PHKB: variants seen among roughly 807,000 people sequenced by gnomAD.
PHKB encodes phosphorylase kinase regulatory subunit beta.
Under a neutral mutation model 152.1 loss-of-function variants are expected in PHKB, and 122 were observed. The ratio of observed to expected loss-of-function variants is 0.80; its 90% confidence interval spans 0.69 to 0.93. The LOEUF (loss-of-function observed/expected upper bound fraction) is 0.93. Among genes scored for constraint, PHKB ranks in the 40% least tolerant of loss-of-function variants. PHKB has a pLI of 0.00. For missense variants in PHKB, 1,304 were observed against 1,328.4 expected, an observed-to-expected ratio of 0.98 and a Z score of 0.29; for synonymous variants, 436 against 464.9, an observed-to-expected ratio of 0.94 and a Z score of 0.80.
At chr16:47,611,574 T>C (rs1028203134) in intron 14 of PHKB, among the ~76,000 whole-genome samples, 6 of 152,086 alleles carry the variant, frequency 3.9e-5, no homozygotes, top group African/African-American at 1.4e-4. Flanking sequence ...GCAGTTAACA[T>C]GCATTTAATA....
At chr16:47,488,555 T>G (rs1463849426) in intron 1 of PHKB, among the ~76,000 whole-genome samples, 1 of 152,250 alleles carries the variant, frequency 6.6e-6, no homozygotes, top group Admixed American at 6.5e-5. Flanking sequence ...CTAGCTTTTC[T>G]TCTAGGGTTT....
chr16:47,569,026 T>G (rs1971614402), intron 7 of PHKB, among the ~76,000 whole-genome samples: 1 of 152,218 alleles, frequency 6.6e-6, no homozygotes, highest in Admixed American at 6.5e-5. Context: ...TGAATGTCTG[T>G]TAGGTCCATT....
At chr16:47,499,936 A>C in intron 3 of PHKB, 42 bp downstream of exon 3, 1 of 1,612,214 alleles carries the variant, frequency 6.2e-7, no homozygotes, top group Non-Finnish European at 8.5e-7. Context: ...GAGAGTGGAT[A>C]ATAGGGTTTT....
At chr16:47,588,727 A>G (rs959774735) in intron 9 of PHKB, among the ~76,000 whole-genome samples, 178 bp from the exon 10 acceptor site, 1 of 152,224 alleles carries the variant, frequency 6.6e-6, no homozygotes. Context: ...ATAAAGTTTT[A>G]TCTCCTCTGT....
chr16:47,638,136 A>G (rs1411129757), intron 14 of PHKB, among the ~76,000 whole-genome samples: 1 of 152,104 alleles, frequency 6.6e-6, no homozygotes, highest in Non-Finnish European at 1.5e-5. Flanking sequence ...CATTCAGACC[A>G]TAGCATTAAA....
intron 20 of PHKB, among the ~76,000 whole-genome samples, chr16:47,654,818 G>C (rs1450810370): frequency 7.2e-6 from 1 of 139,168 alleles, no homozygotes; most frequent in African/African-American, 2.6e-5. Flanking sequence ...GGGGGGAGGG[G>C]GGAGGGATAG....
chr16:47,605,301 T>C (rs1972302749), intron 13 of PHKB, among the ~76,000 whole-genome samples: 1 of 152,042 alleles, frequency 6.6e-6, no homozygotes, highest in African/African-American at 2.4e-5. Flanking sequence ...GTGGTGTAAG[T>C]GGGAACATCA....
At chr16:47,468,562 A>C (rs1360308643) in intron 1 of PHKB, among the ~76,000 whole-genome samples, 1 of 152,276 alleles carries the variant, frequency 6.6e-6, no homozygotes, top group Non-Finnish European at 1.5e-5. Flanking sequence ...CTGAGACAGA[A>C]GAATCGCTTG....
At chr16:47,477,514 G>C (rs1266039167) in intron 1 of PHKB, among the ~76,000 whole-genome samples, 1 of 152,054 alleles carries the variant, frequency 6.6e-6, no homozygotes, top group African/African-American at 2.4e-5. Flanking sequence ...TGCAGGTTTT[G>C]AATAAGAACA....
intron 17 of PHKB, 64 bp downstream of exon 17, chr16:47,648,680 T>A: frequency 1.0e-6 from 1 of 990,284 alleles, no homozygotes; most frequent in East Asian, 2.4e-5. Context: ...GAAATGGTGC[T>A]TGACCTGCTA....
intron 1 of PHKB, chr16:47,464,268 G>C: frequency 2.1e-6 from 1 of 476,938 alleles, no homozygotes; most frequent in Non-Finnish European, 3.8e-6. Flanking sequence ...AGCTCCCATT[G>C]TCAAATGTGC....
intron 26 of PHKB, among the ~76,000 whole-genome samples, chr16:47,688,528 T>A (rs759787517): frequency 6.6e-6 from 1 of 152,198 alleles, no homozygotes; most frequent in African/African-American, 2.4e-5. Flanking sequence ...AGACAGGTAC[T>A]TGTCTGTCTT....
chr16:47,699,418 G>T lies in PHKB; in HGVS notation c.*52G>T. The T allele has an allele frequency of 6.2e-7, 1 of 1,603,008 alleles. No individual in the cohort carries two copies. Among genetic ancestry groups the T allele is most frequent in the Non-Finnish European group, 8.5e-7 (1 of 1,169,886 alleles). ...AGACACATGTTCTGAAGTGTGTTGT[G>T]TTTCATGTTCAAGCTTAATCAAGGC... On this transcript the variant is annotated 3_prime_UTR_variant, in exon 31 of 31. Coordinates refer to ENST00000323584, the MANE Select transcript of PHKB (RefSeq NM_000293.3).
intron 7 of PHKB, among the ~76,000 whole-genome samples, chr16:47,569,666 C>A (rs368120462): frequency 6.6e-6 from 1 of 152,184 alleles, no homozygotes; most frequent in African/African-American, 2.4e-5. Flanking sequence ...GTCACCCAGG[C>A]TGGAGTGCAG....
intron 23 of PHKB, 64 bp from the exon 24 acceptor site, chr16:47,663,613 G>A (rs994639163): frequency 3.8e-6 from 5 of 1,312,138 alleles, no homozygotes; most frequent in Admixed American, 3.4e-5. Flanking sequence ...CTTTTAAGAG[G>A]AATAAATGTT....
In PHKB at chr16:47,643,004, C is replaced by T. The variant is rs569366968; in HGVS notation, c.1608+1312C>T. On this transcript the variant is annotated intron_variant, in intron 16 of 30. Coordinates refer to ENST00000323584, the MANE Select transcript of PHKB (RefSeq NM_000293.3). Reference sequence around the variant, plus strand: ...TCGGCTGCTAATACACTTTTATGCTCTCCTGCTGAAAGCTCTAGAGAACGC... The same window carrying T: ...TCGGCTGCTAATACACTTTTATGCTTTCCTGCTGAAAGCTCTAGAGAACGC... Among the ~76,000 whole-genome samples the T allele has an allele frequency of 4.6e-5, 7 of 152,308 alleles. 1 individual carries two copies. In the South Asian group the frequency reaches 6.2e-4, roughly 14 times the overall value.
Position 47,566,844 on chromosome 16 carries a change from G to T in PHKB, c.711-13451G>T, listed in dbSNP as rs1971577258. On this transcript the variant is annotated intron_variant, in intron 7 of 30. Coordinates refer to ENST00000323584, the MANE Select transcript of PHKB (RefSeq NM_000293.3). ...CCCTCCATCCTCAGCCAGAGAGTCT[G>T]TTAGGGAGAGAGTCTTCCCCTTCTT... 5 of 717,016 alleles carry T rather than the reference G, an allele frequency of 7.0e-6. No individual in the cohort carries two copies. In the East Asian group the frequency reaches 1.0e-4, roughly 15 times the overall value. 44.4% of individuals were successfully genotyped at this position (717,016 alleles called of 1,614,324 possible).
chr16:47,560,198 A>T (rs1459580990), intron 7 of PHKB, among the ~76,000 whole-genome samples: 1 of 152,224 alleles, frequency 6.6e-6, no homozygotes, highest in Non-Finnish European at 1.5e-5. Context: ...AGCAGAAGTA[A>T]GAGTGGATTT....
chr16:47,508,427 T>G (rs1325148431), intron 4 of PHKB, among the ~76,000 whole-genome samples: 3 of 152,218 alleles, frequency 2.0e-5, no homozygotes, highest in Non-Finnish European at 4.4e-5. Flanking sequence ...TAAATGTTGC[T>G]GTATCTATCT....
Sources: allele counts gnomAD v4.1 joint callset (sites outside exome capture counted in the v4.1 genomes callset), GRCh38; gene constraint gnomAD v4.1.1; transcripts MANE v1.5; gene names NCBI Gene and HGNC (gene_info 2026-07-23, HGNC 2026-07-21).